ARB2A: variants seen among roughly 807,000 people sequenced by gnomAD.
ARB2A encodes ARB2 cotranscriptional regulator A, also known as cotranscriptional regulator ARB2A.
the ARB2A span, chr5:94,050,597 C>T: frequency 3.9e-6 from 2 of 513,186 alleles, no homozygotes; most frequent in Non-Finnish European, 6.4e-6. Flanking sequence ...TAAAAAGGAA[C>T]AAAAAAAAAA....
the ARB2A span, among the ~76,000 whole-genome samples, chr5:93,821,870 T>A: frequency 1.3e-5 from 2 of 151,780 alleles, no homozygotes; most frequent in African/African-American, 4.8e-5. Flanking sequence ...TATGCTTCCA[T>A]TACATACCCC....
At chr5:93,961,561 G>A in the ARB2A span, among the ~76,000 whole-genome samples, 2 of 152,098 alleles carry the variant, frequency 1.3e-5, no homozygotes, top group African/African-American at 2.4e-5. Context: ...GTGTGCACCT[G>A]TAGTCCCAGC....
chr5:93,988,904 C>T, the ARB2A span, among the ~76,000 whole-genome samples: 1 of 152,148 alleles, frequency 6.6e-6, no homozygotes, highest in African/African-American at 2.4e-5. Context: ...CAAACCTAGG[C>T]AATCTACCTG....
the ARB2A span, among the ~76,000 whole-genome samples, chr5:94,018,783 A>C: frequency 6.6e-6 from 1 of 151,972 alleles, no homozygotes. Context: ...TGATGAATTG[A>C]CATTCATCAC....
the ARB2A span, among the ~76,000 whole-genome samples, chr5:93,965,673 A>C: frequency 6.6e-6 from 1 of 152,090 alleles, no homozygotes; most frequent in Admixed American, 6.6e-5. Flanking sequence ...AAAATGTCTT[A>C]AGTTATCTAT....
chr5:93,641,674 T>A, the ARB2A span, among the ~76,000 whole-genome samples: 2 of 152,258 alleles, frequency 1.3e-5, no homozygotes, highest in African/African-American at 4.8e-5. Flanking sequence ...TATGACTCAT[T>A]TACTAGAAAA....
chr5:94,083,011 C>T, the ARB2A span, among the ~76,000 whole-genome samples: 2 of 152,174 alleles, frequency 1.3e-5, no homozygotes, highest in South Asian at 4.1e-4. Context: ...GAAAATTCTT[C>T]TGTTCCAAAA....
At chr5:93,977,527 C>T in the ARB2A span, among the ~76,000 whole-genome samples, 1 of 152,226 alleles carries the variant, frequency 6.6e-6, no homozygotes, top group East Asian at 1.9e-4. Context: ...AAAGGATACC[C>T]TATTCAATAA....
chr5:93,800,991 T>C, the ARB2A span, among the ~76,000 whole-genome samples: 1 of 152,184 alleles, frequency 6.6e-6, no homozygotes, highest in Non-Finnish European at 1.5e-5. Flanking sequence ...TCACTGACAG[T>C]AATTTTTATA....
chr5:94,074,426 A>G, the ARB2A span, among the ~76,000 whole-genome samples: 1 of 152,142 alleles, frequency 6.6e-6, no homozygotes, highest in Non-Finnish European at 1.5e-5. Context: ...AGCATTAATA[A>G]TTCTTATAGA....
the ARB2A span, chr5:93,743,460 T>C: frequency 1.2e-6 from 1 of 834,444 alleles, no homozygotes; most frequent in Non-Finnish European, 1.4e-6. Context: ...TGACAGTCTA[T>C]AAAAAACAGC....
At chr5:93,658,780 A>T in the ARB2A span, among the ~76,000 whole-genome samples, 34 of 152,204 alleles carry the variant, frequency 2.2e-4, no homozygotes, top group Non-Finnish European at 4.4e-5. Context: ...GCTCAAAGAT[A>T]AATTTTATGC....
At chr5:93,992,462 C>T in the ARB2A span, among the ~76,000 whole-genome samples, 1 of 151,996 alleles carries the variant, frequency 6.6e-6, no homozygotes, top group East Asian at 1.9e-4. Context: ...AAGTATAGCT[C>T]ATAAGCCAAA....
chr5:93,742,920 G>A, the ARB2A span: 1 of 151,994 alleles, frequency 6.6e-6, no homozygotes, highest in Non-Finnish European at 1.5e-5. Context: ...CTCTCATCCC[G>A]GGACTTTTGA....
chr5:93,927,946 A>G, the ARB2A span, among the ~76,000 whole-genome samples: 1,819 of 152,298 alleles, frequency 0.012, 17 homozygotes, highest in Middle Eastern at 0.041. Context: ...TTCTGTCTGT[A>G]GACATCGTAG....
the ARB2A span, among the ~76,000 whole-genome samples, chr5:93,697,010 C>A: frequency 1.4e-5 from 2 of 139,438 alleles, no homozygotes; most frequent in Non-Finnish European, 3.0e-5. Context: ...TGCAGTGAGT[C>A]GAGATTGCAC....
At chr5:93,639,283 G>A in the ARB2A span, among the ~76,000 whole-genome samples, 2 of 152,182 alleles carry the variant, frequency 1.3e-5, no homozygotes, top group South Asian at 2.1e-4. Context: ...AATCAGTTAC[G>A]CTCCTAACAC....
At chr5:93,981,750 A>G in the ARB2A span, among the ~76,000 whole-genome samples, 11 of 152,254 alleles carry the variant, frequency 7.2e-5, no homozygotes, top group East Asian at 3.9e-4. Flanking sequence ...TGGGTATTTT[A>G]TGATATTTTA....
the ARB2A span, among the ~76,000 whole-genome samples, chr5:93,856,399 C>T: frequency 6.6e-6 from 1 of 152,278 alleles, no homozygotes; most frequent in South Asian, 2.1e-4. Flanking sequence ...TTCCATTCTC[C>T]CCGTCAGTTT....
Sources: gnomAD v4.1 joint callset for allele counts (sites outside exome capture counted in the v4.1 genomes callset) on GRCh38, gnomAD v4.1.1 for gene constraint, MANE v1.5 for transcripts, NCBI Gene and HGNC (gene_info 2026-07-23, HGNC 2026-07-21) for gene names.